The following TMEM132D variants were observed in gnomAD, a reference collection of about 807,000 sequenced individuals.
TMEM132D encodes the protein mature OL transmembrane protein.
A neutral mutation model predicts 62.3 loss-of-function variants in TMEM132D; 21 were observed. That is an observed-to-expected ratio of 0.34 (90% CI 0.24 to 0.49). TMEM132D has a LOEUF of 0.49. TMEM132D is among the 20% of genes least tolerant of loss of function. TMEM132D has a pLI of 0.99. For missense variants in TMEM132D, 1,346 were observed against 1,402.8 expected (o/e 0.96, Z 0.65); for synonymous variants, 621 against 575.6 (o/e 1.08, Z -1.13).
At chr12:129,634,450 T>C (rs1488238961) in intron 2 of TMEM132D, among the ~76,000 whole-genome samples, 4 of 145,082 alleles carry the variant, frequency 2.8e-5, no homozygotes, top group Non-Finnish European at 6.0e-5. Context: ...CTCAAGCCTA[T>C]GTGAAAGAGT....
intron 3 of TMEM132D, among the ~76,000 whole-genome samples, chr12:129,470,987 T>C (rs1208553739): frequency 6.6e-6 from 1 of 151,892 alleles, no homozygotes; most frequent in African/African-American, 2.4e-5. Context: ...ATAGAGAAAA[T>C]GGGTGCATGA....
intron 3 of TMEM132D, among the ~76,000 whole-genome samples, chr12:129,449,332 C>T (rs1393942919): frequency 2.6e-5 from 4 of 152,176 alleles, no homozygotes; most frequent in South Asian, 2.1e-4. Context: ...CATGCTTAGT[C>T]CTGCCTGGTG....
chr12:129,146,458 T>C (rs926402075), intron 5 of TMEM132D, among the ~76,000 whole-genome samples: 1 of 152,206 alleles, frequency 6.6e-6, no homozygotes, highest in Non-Finnish European at 1.5e-5. Context: ...GCCACCAAAG[T>C]AGTCTTTGAA....
At chr12:129,546,676 C>T (rs1387737018) in intron 2 of TMEM132D, among the ~76,000 whole-genome samples, 4 of 152,080 alleles carry the variant, frequency 2.6e-5, no homozygotes, top group African/African-American at 9.7e-5. Flanking sequence ...TGGCATACAC[C>T]TGTAATCCCA....
chr12:129,800,007 C>T (rs2137305886), intron 1 of TMEM132D, among the ~76,000 whole-genome samples: 1 of 152,282 alleles, frequency 6.6e-6, no homozygotes, highest in Non-Finnish European at 1.5e-5. Flanking sequence ...CACGTGCGTA[C>T]AGTCATTTTA....
chr12:129,462,774 G>T (rs1168614983), intron 3 of TMEM132D, among the ~76,000 whole-genome samples: 2 of 152,148 alleles, frequency 1.3e-5, no homozygotes, highest in Non-Finnish European at 2.9e-5. Flanking sequence ...ATTTCAAATT[G>T]ATTACAAACG....
At chr12:129,278,530 A>G (rs1475409945) in intron 4 of TMEM132D, among the ~76,000 whole-genome samples, 1 of 144,010 alleles carries the variant, frequency 6.9e-6, no homozygotes, top group Non-Finnish European at 1.5e-5. Context: ...GCTTGGTTTC[A>G]GGAGGAGAAG....
At position 129,824,294 on chromosome 12, in the gene TMEM132D, AG is replaced by A. The variant is rs1418328700; in HGVS notation, c.79+78966del. ...TAGCAGGCTCCATCATCAACATTTC[AG>A]GCAACTCCATAATTTTTCAGGTACT... On this transcript the variant is annotated intron_variant, in intron 1 of 8. Transcript: ENST00000422113. Among the ~76,000 whole-genome samples the A allele has an allele frequency of 4.8e-4, 73 of 152,310 alleles. No individual in the cohort carries two copies. The Middle Eastern group carries it at 0.01, about 21-fold the overall frequency.
rs1406476878 is a variant in TMEM132D at position 129,349,731 on chromosome 12, A to G, written c.1116-11914T>C. Among the ~76,000 whole-genome samples the G allele has an allele frequency of 2.6e-5, 4 of 152,212 alleles. No individual in the cohort carries two copies. The South Asian group carries it at 8.3e-4, about 31-fold the overall frequency. ...GTAAAGAGTTTAAATATTTATTAGT[A>G]TTCATTGACACATTTACCAGTTGGA... On this transcript the variant is annotated intron_variant, in intron 3 of 8. Coordinates refer to ENST00000422113, the MANE Select transcript of TMEM132D (RefSeq NM_133448.3).
chr12:129,546,251 G>A (rs781113044), intron 2 of TMEM132D, among the ~76,000 whole-genome samples: 2 of 152,088 alleles, frequency 1.3e-5, no homozygotes, highest in Non-Finnish European at 2.9e-5. Flanking sequence ...CCCTTGTCAT[G>A]TACCAAAAAA....
intron 3 of TMEM132D, among the ~76,000 whole-genome samples, chr12:129,359,999 A>AG (rs1246253659): frequency 3.3e-5 from 5 of 150,726 alleles, no homozygotes; most frequent in African/African-American, 4.9e-5. Context: ...GAAAAAAATG[A>AG]GAAAAAAAAA....
chr12:129,279,702 C>A (rs1430492205), intron 4 of TMEM132D, among the ~76,000 whole-genome samples: 3 of 152,140 alleles, frequency 2.0e-5, no homozygotes. Flanking sequence ...CGAGCGAAAA[C>A]TGGGAAACTG....
At chr12:129,625,353 C>T (rs1233679766) in intron 2 of TMEM132D, among the ~76,000 whole-genome samples, 2 of 152,184 alleles carry the variant, frequency 1.3e-5, no homozygotes, top group Admixed American at 6.5e-5. Flanking sequence ...AATAAAGTGA[C>T]ATTATTCTTT....
intron 5 of TMEM132D, among the ~76,000 whole-genome samples, chr12:129,150,409 G>C (rs1393399825): frequency 1.3e-5 from 2 of 152,168 alleles, no homozygotes; most frequent in African/African-American, 4.8e-5. Flanking sequence ...TCTTTATAAT[G>C]TATTTGTGTT....
intron 1 of TMEM132D, among the ~76,000 whole-genome samples, chr12:129,829,183 G>T (rs1872755165): frequency 6.6e-6 from 1 of 152,050 alleles, no homozygotes; most frequent in Admixed American, 6.6e-5. Context: ...CAAACCAGTG[G>T]CATCAAAGCA....
At chr12:129,335,434 A>G (rs1869242418) in intron 4 of TMEM132D, among the ~76,000 whole-genome samples, 1 of 152,076 alleles carries the variant, frequency 6.6e-6, no homozygotes, top group Non-Finnish European at 1.5e-5. Flanking sequence ...CACCGCACCT[A>G]GTCTAAGTAC....
chr12:129,379,860 C>T lies in TMEM132D; in HGVS notation c.1116-42043G>A, dbSNP rs570268964. ...GCTGCCTGTTGAGGTAAGAGGGCCACACTTTGGGAAATGGGTCATGATAAT... is the reference window on the plus strand; with the variant it reads ...GCTGCCTGTTGAGGTAAGAGGGCCATACTTTGGGAAATGGGTCATGATAAT... On this transcript the variant is annotated intron_variant, in intron 3 of 8. Coordinates refer to ENST00000422113, the MANE Select transcript of TMEM132D (RefSeq NM_133448.3). Among the ~76,000 whole-genome samples, 66 of 152,258 alleles carry T rather than the reference C, an allele frequency of 4.3e-4. 1 individual carries two copies. In the South Asian group the frequency reaches 0.013, roughly 31 times the overall value.
intron 5 of TMEM132D, among the ~76,000 whole-genome samples, chr12:129,144,686 C>CATCTATCTATCT (rs57315485): frequency 0.19 from 28,513 of 151,354 alleles, 2,884 homozygotes; most frequent in Non-Finnish European, 0.21. Flanking sequence ...GCTTATCTAT[C>CATCTATCTATCT]ATCTATCTAT....
intron 2 of TMEM132D, among the ~76,000 whole-genome samples, chr12:129,542,699 T>C (rs564541843): frequency 6.6e-6 from 1 of 152,300 alleles, no homozygotes; most frequent in East Asian, 1.9e-4. Flanking sequence ...TATGTAGGTA[T>C]ATATATAATG....
Sources: gnomAD v4.1 joint callset for allele counts (sites outside exome capture counted in the v4.1 genomes callset) on GRCh38, gnomAD v4.1.1 for gene constraint, MANE v1.5 for transcripts, NCBI Gene and HGNC (gene_info 2026-07-23, HGNC 2026-07-21) for gene names.